Variants in SLC15A3 observed in about 807,000 individuals in gnomAD.
SLC15A3 encodes the protein solute carrier family 15 member 3, also known as osteoclast transporter.
Under a neutral mutation model 49.2 loss-of-function variants are expected in SLC15A3, and 39 were observed. The observed-to-expected ratio is 0.79, with a 90% CI of 0.61 to 1.04. The LOEUF (loss-of-function observed/expected upper bound fraction) is 1.04. Ranked by LOEUF, SLC15A3 falls within the 50% of genes least tolerant of loss-of-function variation. SLC15A3 has a pLI of 0.00. For synonymous variants in SLC15A3, 339 were observed against 367.0 expected (o/e 0.92, Z 0.87); for missense variants, 758 against 794.8 (o/e 0.95, Z 0.56).
At chr11:60,943,449 G>A (rs912703147) in intron 3 of SLC15A3, 14 of 343,256 alleles carry the variant, frequency 4.1e-5, no homozygotes, top group African/African-American at 1.1e-4. Flanking sequence ...TTCAACTCCC[G>A]CAGGAGGTAT....
chr11:60,949,872 A>C (rs1307225912), intron 1 of SLC15A3, among the ~76,000 whole-genome samples: 1 of 152,216 alleles, frequency 6.6e-6, no homozygotes, highest in African/African-American at 2.4e-5. Context: ...ACATGGCTGC[A>C]GTCCTATCTG....
At position 60,951,454 on chromosome 11, in the gene SLC15A3, G is replaced by A. The variant is rs1413328824; in HGVS notation, c.98C>T (p.Ala33Val). 4 of 1,430,008 alleles carry A rather than the reference G, an allele frequency of 2.8e-6. No individual in the cohort carries two copies. The highest frequency in any genetic ancestry group is 5.0e-4 in the Middle Eastern group (2 of 4,022). The allele number at this position is 1,430,008 out of a possible 1,614,324, so 88.6% of individuals were successfully genotyped here. The change falls in exon 1 of 8, where the codon GCG (alanine) becomes GTG (valine). Residue 33 changes from alanine (A) to valine (V), a missense_variant. Transcript: ENST00000227880. ...CACCAGCAGCACGGCCGCGCCCGCC[G>A]CCCGCCGCCACCGTCGAGGGCCCCG... is the stretch of plus-strand genomic sequence containing the variant. Reference protein sequence around the residue: ...GARGPRRWRRAAGAAVLLVEM... With the variant: ...GARGPRRWRRVAGAAVLLVEM...
rs75564959 is a variant in SLC15A3 at position 60,938,046 on chromosome 11, C to T, written c.1436-21G>A. ...CAGGCCTGCAGAGGGGGAGCAGAGA[C>T]GATCTCAGGGGCTGGTGCAGGCGCA... On this transcript the variant is annotated intron_variant, in intron 6 of 7. Coordinates refer to ENST00000227880, the MANE Select transcript of SLC15A3 (RefSeq NM_016582.3). 7.4e-3 allele frequency: 11,895 copies of T among 1,611,590 alleles called. 696 individuals are homozygous for T. The African/African-American group carries it at 0.13, about 18-fold the overall frequency.
intron 1 of SLC15A3, among the ~76,000 whole-genome samples, chr11:60,950,209 A>G (rs901333209): frequency 1.3e-4 from 20 of 152,206 alleles, no homozygotes; most frequent in Admixed American, 1.0e-3. Context: ...AGTCGGCCTG[A>G]CAGCCTCTAG....
At chr11:60,949,378 G>A (rs978486913) in intron 1 of SLC15A3, among the ~76,000 whole-genome samples, 4 of 143,352 alleles carry the variant, frequency 2.8e-5, no homozygotes, top group Non-Finnish European at 6.1e-5. Flanking sequence ...GAAAGAGAAA[G>A]AAAGAGAGAG....
At position 60,939,507 on chromosome 11, in the gene SLC15A3, T is replaced by C; in HGVS notation, c.1408A>G (p.Ile470Val). The C allele has an allele frequency of 6.2e-7, 1 of 1,614,098 alleles. No individual in the cohort carries two copies. Among genetic ancestry groups the C allele is most frequent in the Non-Finnish European group, 8.5e-7 (1 of 1,179,996 alleles). Residue 470 changes from isoleucine to valine, a missense_variant, in exon 6 of 8, where the codon ATC (isoleucine) becomes GTC (valine). By Grantham distance (29) the Ile-to-Val change is conservative. Coordinates refer to ENST00000227880, the MANE Select transcript of SLC15A3 (RefSeq NM_016582.3). ...WQIPQYLLIG[I>V]SEIFASIPGL... ...GGGATGCTGGCAAAGATCTCACTGA[T>C]CCCAATGAGCAGGTACTGAGGGATC...
chr11:60,946,061 T>C (rs1012251969), intron 2 of SLC15A3, among the ~76,000 whole-genome samples: 1 of 152,082 alleles, frequency 6.6e-6, no homozygotes, highest in African/African-American at 2.4e-5. Context: ...GGCACCATCA[T>C]GGCTCACTCC....
Position 60,939,673 on chromosome 11 carries a change from C to T in SLC15A3, c.1277-35G>A, listed in dbSNP as rs777578548. On this transcript the variant is annotated intron_variant, in intron 5 of 7. Transcript: ENST00000227880. Reference sequence around the variant, plus strand: ...GAGCAGAGGGGGATTATAGTCAGGCCCACCCCAGGCAGCTTAGCCCACAGA... The same window carrying T: ...GAGCAGAGGGGGATTATAGTCAGGCTCACCCCAGGCAGCTTAGCCCACAGA... The T allele has an allele frequency of 1.1e-5, 18 of 1,608,080 alleles. No individual in the cohort carries two copies. The Admixed American group carries it at 2.5e-4, about 23-fold the overall frequency.
chr11:60,937,897 C>A lies in SLC15A3; in HGVS notation c.1564G>T (p.Gly522Cys). Residue 522 changes from glycine to cysteine, a missense_variant, in exon 7 of 8, where the codon GGC (glycine) becomes TGC (cysteine). By Grantham distance (159) the Gly-to-Cys change is radical. Around this residue, in one of 3 missense-constraint regions of SLC15A3, gnomAD observed 699 missense variants for 706.7 expected, o/e 0.99. Transcript: ENST00000227880. Reference sequence around the variant, plus strand: ...AAGTCCTTGGGGCAGTGCAGCCAGCCCCCGGGCAAGGACAGCAGTGCCACT... The same window carrying A: ...AAGTCCTTGGGGCAGTGCAGCCAGCACCCGGGCAAGGACAGCAGTGCCACT... ...SLVALLSLPG[G>C]WLHCPKDFGN... is the part of the protein sequence containing the mutation. 6.2e-7 allele frequency: 1 copy of A among 1,614,140 alleles called. No individual in the cohort carries two copies. The highest frequency in any genetic ancestry group is 2.2e-5 in the East Asian group (1 of 44,888).
chr11:60,946,413 C>T, intron 2 of SLC15A3, 119 bp downstream of exon 2: 1 of 1,181,382 alleles, frequency 8.5e-7, no homozygotes, highest in Non-Finnish European at 1.2e-6. Context: ...AGCAGATCAT[C>T]ATAAAAAGCT....
intron 1 of SLC15A3, among the ~76,000 whole-genome samples, chr11:60,949,827 T>A (rs1007083790): frequency 2.6e-5 from 4 of 152,254 alleles, no homozygotes; most frequent in Non-Finnish European, 4.4e-5. Flanking sequence ...TGACAATCTT[T>A]TTCCAGTTTC....
rs1590635523 is a variant in SLC15A3 at position 60,939,164 on chromosome 11, C to G, written c.1435+316G>C. Among the ~76,000 whole-genome samples the G allele has an allele frequency of 2.0e-5, 3 of 152,324 alleles. No homozygotes were observed. In the South Asian group the frequency reaches 6.2e-4, roughly 32 times the overall value. ...AATTGAAGGGGATATTGGAGTTCAC[C>G]TTCAGTCTAAGGTAGAGGGAACAGC... On this transcript the variant is annotated intron_variant, in intron 6 of 7. Transcript: ENST00000227880.
intron 3 of SLC15A3, chr11:60,943,478 C>T (rs972839237): frequency 2.4e-6 from 1 of 416,064 alleles, no homozygotes; most frequent in Non-Finnish European, 4.1e-6. Context: ...GAAGCTGTCT[C>T]CAGAGTTCCT....
In SLC15A3 at chr11:60,937,227, T is replaced by C. The variant is rs1204780216; in HGVS notation, c.1738A>G (p.Arg580Gly). The change falls in exon 8 of 8, where the codon AGG (arginine) becomes GGG (glycine). Residue 580 changes from arginine (R) to glycine (G), a missense_variant. Physicochemically the swap from Arg to Gly is moderately radical, Grantham distance 125. Coordinates refer to ENST00000227880, the MANE Select transcript of SLC15A3 (RefSeq NM_016582.3). ...PASHSRFSRD[R>G]G is the part of the protein sequence containing the mutation. ...GCTGGAATAGGGCCTGTTCAGCCCC[T>C]GTCCCTGCTGAAACGGCTGTGGGAG... 8.7e-6 allele frequency: 14 copies of C among 1,613,792 alleles called. No homozygotes were observed. The highest frequency in any genetic ancestry group is 2.7e-5 in the African/African-American group (2 of 74,916).
intron 3 of SLC15A3, chr11:60,942,432 GGTA>G: frequency 3.3e-6 from 1 of 306,366 alleles, no homozygotes; most frequent in South Asian, 4.3e-5. Flanking sequence ...CCCAGCACAG[GGTA>G]AGCATGGATA....
In SLC15A3 at chr11:60,937,961, G is replaced by A. The variant is rs1565125347; in HGVS notation, c.1500C>T (p.Phe500=). The change falls in exon 7 of 8, where the codon TTC becomes TTT. Residue 500 remains phenylalanine (F), a synonymous_variant. Coordinates refer to ENST00000227880, the MANE Select transcript of SLC15A3 (RefSeq NM_016582.3). The part of the protein sequence containing the change: ...SMQGAIMGIF[F]CLSGVGSLLG... ...ACAGTGAGCCCACCCCCGACAGGCAGAAGAAGATGCCCATGATGGCGCCCT... is the reference window on the plus strand; with the variant it reads ...ACAGTGAGCCCACCCCCGACAGGCAAAAGAAGATGCCCATGATGGCGCCCT... 6.2e-7 allele frequency: 1 copy of A among 1,614,158 alleles called. No homozygotes were observed. Among genetic ancestry groups the A allele is most frequent in the Non-Finnish European group, 8.5e-7 (1 of 1,179,986 alleles).
At chr11:60,942,612 T>TACC in intron 3 of SLC15A3, 1 of 166,478 alleles carries the variant, frequency 6.0e-6, no homozygotes, top group African/African-American at 2.4e-5. Context: ...CCACCTCCAA[T>TACC]ACCACGCACT....
intron 1 of SLC15A3, among the ~76,000 whole-genome samples, chr11:60,950,574 G>A (rs1305245005): frequency 2.0e-5 from 3 of 151,498 alleles, no homozygotes; most frequent in African/African-American, 7.3e-5. Flanking sequence ...GATCACCTGA[G>A]GTCAGGAGTT....
chr11:60,947,015 G>T (rs373176094), intron 1 of SLC15A3, among the ~76,000 whole-genome samples, 194 bp from the exon 2 acceptor site: 1 of 152,198 alleles, frequency 6.6e-6, no homozygotes, highest in Non-Finnish European at 1.5e-5. Flanking sequence ...TCTCTTGGGA[G>T]TCACTTGCTA....
Sources: allele counts gnomAD v4.1 joint callset (sites outside exome capture counted in the v4.1 genomes callset), GRCh38; gene constraint gnomAD v4.1.1; regional missense constraint gnomAD v4.1.1; transcripts MANE v1.5; gene names NCBI Gene and HGNC (gene_info 2026-07-23, HGNC 2026-07-21).